The following RHBDD1 variants were observed in gnomAD, a reference collection of about 807,000 sequenced individuals.
RHBDD1 encodes rhomboid-related protein 4.
In RHBDD1, 38 loss-of-function variants were observed where a neutral mutation model predicts 36.3. The observed-to-expected ratio is 1.05, with a 90% CI of 0.81 to 1.37. RHBDD1 has a LOEUF of 1.37. Among genes scored for constraint, RHBDD1 ranks in the 40% most tolerant of loss-of-function variants. RHBDD1 has a pLI of 0.00. For missense variants in RHBDD1, 393 were observed against 377.6 expected (o/e 1.04, Z -0.34); for synonymous variants, 151 against 136.5 (o/e 1.11, Z -0.74).
At chr2:226,961,212 G>T (rs1019728817) in intron 8 of RHBDD1, among the ~76,000 whole-genome samples, 1 of 152,098 alleles carries the variant, frequency 6.6e-6, no homozygotes, top group African/African-American at 2.4e-5. Context: ...TCCATGAACG[G>T]GGTCATGAGG....
chr2:226,821,125 T>C, the RHBDD1 span, among the ~76,000 whole-genome samples: 1 of 152,186 alleles, frequency 6.6e-6, no homozygotes, highest in Non-Finnish European at 1.5e-5. Context: ...CCCCCTACTA[T>C]GTTCCAGTCA....
At chr2:226,805,519 T>A in the RHBDD1 span, among the ~76,000 whole-genome samples, 1 of 152,228 alleles carries the variant, frequency 6.6e-6, no homozygotes, top group South Asian at 2.1e-4. Context: ...AACCACTGTT[T>A]CTCATATTTG....
intron 3 of RHBDD1, among the ~76,000 whole-genome samples, chr2:226,846,245 A>G (rs1942204507): frequency 6.6e-6 from 1 of 152,256 alleles, no homozygotes; most frequent in Non-Finnish European, 1.5e-5. Flanking sequence ...AACAAATGCC[A>G]AAATTAAATG....
In RHBDD1 at chr2:226,865,123, T is replaced by A; in HGVS notation, c.430T>A (p.Ser144Thr). 1 of 1,608,750 alleles carries A rather than the reference T, an allele frequency of 6.2e-7. No homozygotes were observed. Among genetic ancestry groups the A allele is most frequent in the Non-Finnish European group, 8.5e-7 (1 of 1,177,496 alleles). ...CAAAAGGAGCTGTGCTGTAGGTTTC[T>A]CAGGTAAGGGAGACAAAATTTTGAG... ...DFKRSCAVGF[S>T]GVLFALKVLN... The change falls in exon 4 of 9, where the codon TCA (serine) becomes ACA (threonine). Residue 144 changes from serine to threonine, a missense_variant. Physicochemically the swap from Ser to Thr is moderately conservative, Grantham distance 58 (BLOSUM62 1). Transcript: ENST00000392062.
Position 226,997,911 on chromosome 2 carries a change from A to G in RHBDD1, c.*2389A>G, listed in dbSNP as rs1959864273. The G allele has an allele frequency of 6.6e-6, 1 of 152,170 alleles. No homozygotes were observed. Among genetic ancestry groups the G allele is most frequent in the Non-Finnish European group, 1.5e-5 (1 of 68,006 alleles). The allele number at this position is 152,170 out of a possible 1,614,324, so 9.4% of individuals were successfully genotyped here. A position where few individuals can be genotyped will look rare whatever the true frequency, so the allele number is the denominator to read the frequency against. On this transcript the variant is annotated 3_prime_UTR_variant, in exon 9 of 9. Coordinates refer to ENST00000392062, the MANE Select transcript of RHBDD1 (RefSeq NM_001167608.3). ...ATGTTTGGAATGTCCATTTTATTTTATTTTCCTCTACAATAAGGAATCCCT... is the reference window on the plus strand; with the variant it reads ...ATGTTTGGAATGTCCATTTTATTTTGTTTTCCTCTACAATAAGGAATCCCT...
intron 8 of RHBDD1, chr2:226,988,523 G>A: frequency 1.3e-6 from 2 of 1,502,284 alleles, no homozygotes; most frequent in Non-Finnish European, 1.8e-6. Flanking sequence ...GATAGCAGCT[G>A]CCCGCACTGT....
At chr2:226,988,637 A>T (rs1204256698) in intron 8 of RHBDD1, 12 of 1,328,218 alleles carry the variant, frequency 9.0e-6, no homozygotes, top group Non-Finnish European at 1.2e-5. Flanking sequence ...TTGGCCCTGG[A>T]GCTTCTGAGA....
At chr2:226,979,259 T>TA (rs1955173149) in intron 8 of RHBDD1, among the ~76,000 whole-genome samples, 1 of 152,134 alleles carries the variant, frequency 6.6e-6, no homozygotes, top group African/African-American at 2.4e-5. Flanking sequence ...TCAGTTCAGC[T>TA]AAAAACTAGG....
At chr2:226,970,588 G>A (rs1165539134) in intron 8 of RHBDD1, among the ~76,000 whole-genome samples, 9 of 152,194 alleles carry the variant, frequency 5.9e-5, no homozygotes, top group Non-Finnish European at 7.3e-5. Context: ...GGCTGCTCAG[G>A]CAGCAGGTGT....
rs201681192 is a variant in RHBDD1, at chr2:226,867,929, G to A, written c.566+611G>A. On this transcript the variant is annotated intron_variant, in intron 5 of 8. Coordinates refer to ENST00000392062, the MANE Select transcript of RHBDD1 (RefSeq NM_001167608.3). ...AGTTGGGGTTTCACCATGTTGGCCA[G>A]GATGGTCTCGATCTCTTGACCTTGT... Among the ~76,000 whole-genome samples, 62 of 152,270 alleles carry A rather than the reference G, an allele frequency of 4.1e-4. 1 individual carries two copies. The East Asian group carries it at 7.0e-3, about 17-fold the overall frequency.
At chr2:226,987,735 A>C (rs1957315897) in intron 8 of RHBDD1, among the ~76,000 whole-genome samples, 1 of 152,226 alleles carries the variant, frequency 6.6e-6, no homozygotes, top group Non-Finnish European at 1.5e-5. Flanking sequence ...CATCTGGTTG[A>C]AGTGAATTCA....
chr2:226,887,398 G>A (rs139178105), intron 5 of RHBDD1, among the ~76,000 whole-genome samples: 2 of 152,282 alleles, frequency 1.3e-5, no homozygotes, highest in Admixed American at 1.3e-4. Flanking sequence ...GAGGGCTTAT[G>A]ATCCTGTAAT....
chr2:226,924,723 G>C (rs893913158), intron 8 of RHBDD1, among the ~76,000 whole-genome samples: 4 of 152,226 alleles, frequency 2.6e-5, no homozygotes, highest in Non-Finnish European at 2.9e-5. Flanking sequence ...CTCTGGCCTA[G>C]GCGGGTCTAA....
chr2:226,880,128 G>C (rs1354411967), intron 5 of RHBDD1, among the ~76,000 whole-genome samples: 1 of 152,086 alleles, frequency 6.6e-6, no homozygotes, highest in East Asian at 1.9e-4. Flanking sequence ...TTCTGTCTTT[G>C]TATCTACTTG....
At chr2:226,934,867 T>G (rs1253393299) in intron 8 of RHBDD1, among the ~76,000 whole-genome samples, 1 of 152,028 alleles carries the variant, frequency 6.6e-6, no homozygotes, top group Non-Finnish European at 1.5e-5. Flanking sequence ...TCTTTTCTTT[T>G]TTTTTTTAAA....
In RHBDD1 at chr2:226,914,296, A is replaced by T; in HGVS notation, c.801A>T (p.Gly267=). Residue 267 remains glycine, a synonymous_variant, in exon 8 of 9, where the codon GGA becomes GGT. Transcript: ENST00000392062. Reference sequence around the variant, plus strand: ...GGAACTATGACACGTACACAGCAGGACTGAGTGAAGAAGAACAGCTCGAGA... The same window carrying T: ...GGAACTATGACACGTACACAGCAGGTCTGAGTGAAGAAGAACAGCTCGAGA... ...APRNYDTYTA[G]LSEEEQLERA... The T allele has an allele frequency of 6.2e-7, 1 of 1,613,832 alleles. No individual in the cohort carries two copies. The highest frequency in any genetic ancestry group is 8.5e-7 in the Non-Finnish European group (1 of 1,179,832).
chr2:226,824,087 G>A, the RHBDD1 span, among the ~76,000 whole-genome samples: 20 of 151,856 alleles, frequency 1.3e-4, no homozygotes, highest in African/African-American at 4.6e-4. Context: ...CTACATACAC[G>A]TTTTTTCTCT....
the RHBDD1 span, among the ~76,000 whole-genome samples, chr2:226,810,540 C>CAAAAAAAAA: frequency 0.03 from 1,006 of 33,818 alleles, 85 homozygotes; most frequent in African/African-American, 0.044. Context: ...GACTCCGTCT[C>CAAAAAAAAA]AAAAAAAAAA....
At chr2:226,995,318 G>A in intron 8 of RHBDD1, 113 bp from the exon 9 acceptor site, 1 of 684,278 alleles carries the variant, frequency 1.5e-6, no homozygotes, top group Non-Finnish European at 2.6e-6. Flanking sequence ...TTTCTGTTTT[G>A]TGTTAAAATG....
Sources: gnomAD v4.1 joint callset for allele counts (sites outside exome capture counted in the v4.1 genomes callset) on GRCh38, gnomAD v4.1.1 for gene constraint, MANE v1.5 for transcripts, NCBI Gene and HGNC (gene_info 2026-07-23, HGNC 2026-07-21) for gene names.